IGSF21: variants seen among roughly 807,000 people sequenced by gnomAD.
IGSF21 encodes the protein immunoglobin superfamily member 21, also known as immunoglobulin superfamily member 21.
Under a neutral mutation model 46.8 loss-of-function variants are expected in IGSF21, and 28 were observed. The ratio of observed to expected loss-of-function variants is 0.60; its 90% CI spans 0.44 to 0.82. IGSF21 has a LOEUF of 0.82. Ranked by LOEUF, IGSF21 falls within the 40% of genes least tolerant of loss-of-function variation. IGSF21 has a pLI of 0.00. For synonymous variants in IGSF21, 284 were observed against 273.6 expected, an observed-to-expected ratio of 1.04 and a Z score of -0.38; for missense variants, 624 against 665.5, an observed-to-expected ratio of 0.94 and a Z score of 0.69.
intron 2 of IGSF21, among the ~76,000 whole-genome samples, chr1:18,271,338 G>A (rs563777698): frequency 6.6e-6 from 1 of 152,280 alleles, no homozygotes; most frequent in African/African-American, 2.4e-5. Flanking sequence ...AAGGTGATCA[G>A]CTCATTTTGA....
intron 7 of IGSF21, 134 bp from the exon 8 acceptor site, chr1:18,376,666 G>A (rs2086283372): frequency 1.3e-6 from 1 of 790,208 alleles, no homozygotes; most frequent in Non-Finnish European, 2.0e-6. Flanking sequence ...CCTCCTCCTG[G>A]AGTTCAGGGC....
intron 3 of IGSF21, among the ~76,000 whole-genome samples, chr1:18,321,588 C>T (rs1035823905): frequency 6.6e-6 from 1 of 152,316 alleles, no homozygotes; most frequent in African/African-American, 2.4e-5. Context: ...TGGGGGCCCA[C>T]TACTTGGCAC....
chr1:18,348,985 G>A (rs533826545), intron 4 of IGSF21, among the ~76,000 whole-genome samples: 2 of 152,306 alleles, frequency 1.3e-5, no homozygotes, highest in South Asian at 2.1e-4. Context: ...CTCCCTAGGA[G>A]CAATAATCAC....
At chr1:18,340,921 T>G (rs762073665) in intron 4 of IGSF21, among the ~76,000 whole-genome samples, 5 of 151,716 alleles carry the variant, frequency 3.3e-5, no homozygotes, top group African/African-American at 1.2e-4. Flanking sequence ...TTCTCCTTCT[T>G]TCTTCTTTCC....
chr1:18,166,145 G>A (rs902003445), intron 1 of IGSF21, among the ~76,000 whole-genome samples: 1 of 152,074 alleles, frequency 6.6e-6, no homozygotes, highest in African/African-American at 2.4e-5. Flanking sequence ...CAGAACCAGG[G>A]AACAAGCATT....
At chr1:18,115,924 AGG>A (rs2086186819) in intron 1 of IGSF21, 2 of 139,176 alleles carry the variant, frequency 1.4e-5, no homozygotes, top group African/African-American at 5.3e-5. Context: ...GGAGGGAGGG[AGG>A]GAGGAGCAAG....
chr1:18,362,822 G>A (rs1019014187), intron 5 of IGSF21, among the ~76,000 whole-genome samples: 33 of 152,150 alleles, frequency 2.2e-4, no homozygotes, highest in African/African-American at 7.2e-4. Context: ...TGCAGTTCAC[G>A]AGATTTTTTA....
At chr1:18,246,282 A>C (rs890599549) in intron 2 of IGSF21, among the ~76,000 whole-genome samples, 1 of 151,770 alleles carries the variant, frequency 6.6e-6, no homozygotes, top group African/African-American at 2.4e-5. Context: ...GGCCCCCCTC[A>C]CTGCCTGGCA....
At chr1:18,191,947 C>T (rs1332273103) in intron 1 of IGSF21, among the ~76,000 whole-genome samples, 1 of 152,198 alleles carries the variant, frequency 6.6e-6, no homozygotes, top group East Asian at 1.9e-4. Flanking sequence ...AAACATGTGA[C>T]ATCTGCCCTC....
chr1:18,212,828 T>C (rs781705955), intron 1 of IGSF21, among the ~76,000 whole-genome samples: 20 of 149,120 alleles, frequency 1.3e-4, no homozygotes, highest in Non-Finnish European at 3.0e-4. Flanking sequence ...GTTCCTTGGA[T>C]GCAGGATTGA....
intron 2 of IGSF21, among the ~76,000 whole-genome samples, chr1:18,270,656 G>A (rs1023050166): frequency 5.9e-5 from 9 of 152,152 alleles, no homozygotes; most frequent in Admixed American, 3.3e-4. Flanking sequence ...CCATGGAGGC[G>A]GCCATGTTGG....
In IGSF21 at chr1:18,227,962, G is replaced by A. The variant is rs2084585811; in HGVS notation, c.135G>A (p.Lys45=). 1 of 1,614,148 alleles carries A rather than the reference G, an allele frequency of 6.2e-7. No homozygotes were observed. Among genetic ancestry groups the A allele is most frequent in the Non-Finnish European group, 8.5e-7 (1 of 1,180,000 alleles). Residue 45 remains lysine (K), a synonymous_variant, in exon 2 of 10, where the codon AAG becomes AAA. Coordinates refer to ENST00000251296, the MANE Select transcript of IGSF21 (RefSeq NM_032880.5). Reference sequence around the variant, plus strand: ...TGGCTGGAGACGCCGTGACTTTGAAGTGTAACTTCAAGACAGATGGGCGCA... The same window carrying A: ...TGGCTGGAGACGCCGTGACTTTGAAATGTAACTTCAAGACAGATGGGCGCA... The part of the protein sequence containing the change: ...PVVAGDAVTL[K]CNFKTDGRMR...
intron 2 of IGSF21, among the ~76,000 whole-genome samples, chr1:18,281,918 G>A (rs1321401210): frequency 6.6e-6 from 1 of 152,184 alleles, no homozygotes; most frequent in Non-Finnish European, 1.5e-5. Flanking sequence ...CTGGATTTGG[G>A]GGTGTGGTGG....
intron 2 of IGSF21, among the ~76,000 whole-genome samples, chr1:18,250,671 C>A (rs986133624): frequency 1.2e-4 from 19 of 152,238 alleles, no homozygotes; most frequent in African/African-American, 4.6e-4. Context: ...TTTAACCTCT[C>A]TGGACCTCAG....
chr1:18,326,319 A>C (rs1042240483), intron 3 of IGSF21, among the ~76,000 whole-genome samples: 3 of 152,320 alleles, frequency 2.0e-5, no homozygotes, highest in Admixed American at 2.0e-4. Flanking sequence ...AGGCGCAGAA[A>C]CAGTAAAACT....
In IGSF21 at chr1:18,322,006, T is replaced by C. The variant is rs2124594918; in HGVS notation, c.306-12886T>C. Among the ~76,000 whole-genome samples, 1 of 152,348 alleles carries C rather than the reference T, an allele frequency of 6.6e-6. No homozygotes were observed. Among genetic ancestry groups the C allele is most frequent in the South Asian group, 2.1e-4 (1 of 4,832 alleles). The stretch of plus-strand genomic sequence containing the variant: ...CAGATGGGGAAACTGAGGCATTAAC[T>C]TGTCCCAGATCACTCAACTACAGCA... On this transcript the variant is annotated intron_variant, in intron 3 of 9. Transcript: ENST00000251296. This position sits in a 1 kb window ranked among gnomAD's most constrained non-coding sequence, Gnocchi z 4.3.
intron 1 of IGSF21, chr1:18,110,590 G>A (rs2086134745): frequency 6.6e-6 from 1 of 152,284 alleles, no homozygotes; most frequent in South Asian, 2.1e-4. Flanking sequence ...CAGAGCAAGG[G>A]TGCCCGACGC....
chr1:18,173,460 A>G (rs1367646227), intron 1 of IGSF21, among the ~76,000 whole-genome samples: 8 of 152,194 alleles, frequency 5.3e-5, no homozygotes, highest in Non-Finnish European at 7.3e-5. Context: ...AAGTCCCATC[A>G]CGGACCTTTT....
At chr1:18,271,161 G>T (rs760153792) in intron 2 of IGSF21, among the ~76,000 whole-genome samples, 5 of 152,174 alleles carry the variant, frequency 3.3e-5, no homozygotes, top group African/African-American at 1.2e-4. Context: ...TCTCACTGCT[G>T]CTTACATGAC....
Sources: allele counts gnomAD v4.1 joint callset (sites outside exome capture counted in the v4.1 genomes callset), GRCh38; gene constraint gnomAD v4.1.1; non-coding constraint Gnocchi (gnomAD v3.1); transcripts MANE v1.5; gene names NCBI Gene and HGNC (gene_info 2026-07-23, HGNC 2026-07-21).